The following PTGFR variants were observed in gnomAD, a reference collection of about 807,000 sequenced individuals.
PTGFR encodes the protein prostaglandin F receptor.
A neutral mutation model predicts 26.2 loss-of-function variants in PTGFR; 15 were observed. That is an observed-to-expected ratio of 0.57 (90% confidence interval 0.38 to 0.88). The LOEUF is 0.88. PTGFR is among the 40% of genes least tolerant of loss of function. The pLI is 0.00. For synonymous variants in PTGFR, 165 were observed against 151.1 expected (o/e 1.09, Z -0.68); for missense variants, 369 against 427.2 (o/e 0.86, Z 1.20).
At chr1:78,493,887 G>GT (rs35062797) in intron 2 of PTGFR, among the ~76,000 whole-genome samples, 28,823 of 152,256 alleles carry the variant, frequency 0.19, 2,981 homozygotes, top group Non-Finnish European at 0.24. Flanking sequence ...ACAGATTGCA[G>GT]TAAGTCTTGA....
chr1:78,501,689 A>G (rs1425216235), intron 2 of PTGFR, among the ~76,000 whole-genome samples: 1 of 152,198 alleles, frequency 6.6e-6, no homozygotes, highest in Non-Finnish European at 1.5e-5. Flanking sequence ...CTTTTTGTGC[A>G]TAGTCCCAAG....
intron 2 of PTGFR, among the ~76,000 whole-genome samples, chr1:78,519,594 AG>A (rs1236730193): frequency 1.3e-5 from 2 of 152,126 alleles, no homozygotes; most frequent in Non-Finnish European, 2.9e-5. Flanking sequence ...CATGTGCTAC[AG>A]GGGATACAAA....
intron 2 of PTGFR, among the ~76,000 whole-genome samples, chr1:78,525,197 G>A (rs141756405): frequency 1.8e-4 from 27 of 151,974 alleles, no homozygotes; most frequent in African/African-American, 6.5e-4. Context: ...ACTACATGGA[G>A]TTAGTTCAAA....
chr1:78,498,241 C>A (rs1414146923), intron 2 of PTGFR, among the ~76,000 whole-genome samples: 1 of 152,064 alleles, frequency 6.6e-6, no homozygotes, highest in Non-Finnish European at 1.5e-5. Context: ...AAAGGCTGAC[C>A]CCCATCATCA....
intron 2 of PTGFR, among the ~76,000 whole-genome samples, chr1:78,514,959 C>A (rs775589223): frequency 6.6e-6 from 1 of 152,068 alleles, no homozygotes; most frequent in Non-Finnish European, 1.5e-5. Flanking sequence ...TTACCAGACA[C>A]AGATGCCAGC....
intron 2 of PTGFR, chr1:78,498,013 C>G: frequency 8.5e-7 from 1 of 1,177,316 alleles, no homozygotes; most frequent in Non-Finnish European, 1.2e-6. Flanking sequence ...TAAGGTTACT[C>G]TTATGCTAAT....
At chr1:78,531,803 C>T (rs1387691794) in intron 2 of PTGFR, among the ~76,000 whole-genome samples, 2 of 152,050 alleles carry the variant, frequency 1.3e-5, no homozygotes, top group Non-Finnish European at 2.9e-5. Flanking sequence ...TAATGATGTT[C>T]TACAAAGTAG....
chr1:78,532,566 A>G (rs1324954500), intron 2 of PTGFR, among the ~76,000 whole-genome samples: 1 of 149,980 alleles, frequency 6.7e-6, no homozygotes, highest in Non-Finnish European at 1.5e-5. Flanking sequence ...ATACACACAT[A>G]TACCTTTTTG....
chr1:78,492,465 C>A (rs1649427755), intron 1 of PTGFR, among the ~76,000 whole-genome samples: 1 of 152,106 alleles, frequency 6.6e-6, no homozygotes, highest in African/African-American at 2.4e-5. Context: ...AGAAGTTAAC[C>A]AAGGGGTCTC....
At chr1:78,500,496 C>T (rs1442165314) in intron 2 of PTGFR, among the ~76,000 whole-genome samples, 1 of 152,172 alleles carries the variant, frequency 6.6e-6, no homozygotes, top group East Asian at 1.9e-4. Context: ...GAACTTGTTC[C>T]TTTGCCTTGT....
At position 78,536,912 on chromosome 1, in the gene PTGFR, G is replaced by C. The variant is rs1650672207; in HGVS notation, c.*225G>C. Reference sequence around the variant, plus strand: ...TGGGAGGTAGACACAATAAAATAATGCCATGGGAGTCACACTGAAAGCAAT... The same window carrying C: ...TGGGAGGTAGACACAATAAAATAATCCCATGGGAGTCACACTGAAAGCAAT... On this transcript the variant is annotated 3_prime_UTR_variant, in exon 3 of 3. Transcript: ENST00000370757. The C allele has an allele frequency of 2.0e-6, 1 of 506,914 alleles. No individual in the cohort carries two copies. Among genetic ancestry groups the C allele is most frequent in the Non-Finnish European group, 3.4e-6 (1 of 293,550 alleles). 31.4% of individuals were successfully genotyped at this position (506,914 alleles called of 1,614,324 possible).
At position 78,520,374 on chromosome 1, in the gene PTGFR, C is replaced by T. The variant is rs547692704; in HGVS notation, c.799-16032C>T. On this transcript the variant is annotated intron_variant, in intron 2 of 2. Transcript: ENST00000370757. ...AACCTCTTAAGAATACAATATCTTCCGTATAACCACAGAGAACGGGTTTGG... is the reference window on the plus strand; with the variant it reads ...AACCTCTTAAGAATACAATATCTTCTGTATAACCACAGAGAACGGGTTTGG... 2.0e-5 allele frequency among the ~76,000 whole-genome samples: 3 copies of T among 151,920 alleles called. No individual in the cohort carries two copies. The South Asian group carries it at 6.3e-4, about 32-fold the overall frequency.
At chr1:78,527,697 A>T (rs572587979) in intron 2 of PTGFR, among the ~76,000 whole-genome samples, 3 of 152,270 alleles carry the variant, frequency 2.0e-5, no homozygotes, top group Admixed American at 1.3e-4. Context: ...AGCAGTTGGT[A>T]TAGTTTTGTG....
chr1:78,497,877 T>A, intron 2 of PTGFR: 1 of 1,578,896 alleles, frequency 6.3e-7, no homozygotes, highest in Non-Finnish European at 8.7e-7. Flanking sequence ...TCTTCAGGGA[T>A]ACAGAATAAT....
At chr1:78,528,178 G>A (rs189948714) in intron 2 of PTGFR, among the ~76,000 whole-genome samples, 1 of 151,268 alleles carries the variant, frequency 6.6e-6, no homozygotes, top group East Asian at 2.0e-4. Flanking sequence ...GTTACCTGGA[G>A]AATGCTTGGG....
chr1:78,508,427 C>T (rs1452857305), intron 2 of PTGFR, among the ~76,000 whole-genome samples: 1 of 152,150 alleles, frequency 6.6e-6, no homozygotes, highest in Non-Finnish European at 1.5e-5. Context: ...TCCAAAGTTA[C>T]CTGAGGCACT....
At chr1:78,500,975 A>C (rs1446870706) in intron 2 of PTGFR, among the ~76,000 whole-genome samples, 1 of 152,148 alleles carries the variant, frequency 6.6e-6, no homozygotes, top group African/African-American at 2.4e-5. Context: ...TGTTATTTTA[A>C]ACTTATTTAC....
At chr1:78,523,332 CCT>C (rs1435424610) in intron 2 of PTGFR, among the ~76,000 whole-genome samples, 2 of 152,130 alleles carry the variant, frequency 1.3e-5, no homozygotes, top group African/African-American at 4.8e-5. Flanking sequence ...ACATTTCCTT[CCT>C]CTTAGTCCCA....
chr1:78,534,661 T>C (rs1437870340), intron 2 of PTGFR, among the ~76,000 whole-genome samples: 1 of 151,842 alleles, frequency 6.6e-6, no homozygotes. Context: ...TGACATACAC[T>C]CCAGGCTTTT....
Sources: allele counts gnomAD v4.1 joint callset (sites outside exome capture counted in the v4.1 genomes callset), GRCh38; gene constraint gnomAD v4.1.1; transcripts MANE v1.5; gene names NCBI Gene and HGNC (gene_info 2026-07-23, HGNC 2026-07-21).